The following INTS7 variants were observed in gnomAD, a reference collection of about 807,000 sequenced individuals.
INTS7 encodes the protein integrator complex subunit 7.
INTS7 carries 46 observed loss-of-function variants against 109.2 expected under a neutral mutation model. The ratio of observed to expected loss-of-function variants is 0.42; its 90% CI spans 0.33 to 0.54. INTS7 has a LOEUF of 0.54. Among genes scored for constraint, INTS7 ranks in the 20% least tolerant of loss-of-function variants. INTS7 has a pLI of 0.07. For missense variants in INTS7, 929 were observed against 1,132.4 expected (o/e 0.82, Z 2.58); for synonymous variants, 412 against 402.9 (o/e 1.02, Z -0.27).
intron 16 of INTS7, among the ~76,000 whole-genome samples, chr1:211,961,871 G>A (rs1404708786): frequency 1.3e-5 from 2 of 152,084 alleles, no homozygotes; most frequent in Admixed American, 6.6e-5. Context: ...CCTTATTAGA[G>A]CTCCTGAAGG....
chr1:212,019,425 A>G lies in INTS7; in HGVS notation c.371+697T>C, dbSNP rs188354972. ...AAGGAAGAACTGATTCCTGATATGG[A>G]AAAAACGACACTCAGGGAAGATGTG... On this transcript the variant is annotated intron_variant, in intron 3 of 19. Transcript: ENST00000366994. 8.9e-4 allele frequency among the ~76,000 whole-genome samples: 136 copies of G among 152,324 alleles called. 1 individual carries two copies. Among genetic ancestry groups the G allele is most frequent in the African/African-American group, 2.6e-3 (110 of 41,572 alleles).
intron 7 of INTS7, among the ~76,000 whole-genome samples, chr1:211,990,729 T>C (rs763153615): frequency 6.6e-6 from 1 of 152,152 alleles, no homozygotes; most frequent in Non-Finnish European, 1.5e-5. Context: ...GGCCAGAATA[T>C]GGGGTGTTTA....
chr1:212,010,373 CATGACTT>C (rs1280621420), intron 5 of INTS7, among the ~76,000 whole-genome samples: 1 of 152,130 alleles, frequency 6.6e-6, no homozygotes, highest in African/African-American at 2.4e-5. Flanking sequence ...GGTTAATACA[CATGACTT>C]ATGGTATAAG....
chr1:211,958,199 TGCTGATG>T (rs1663454219), intron 16 of INTS7, among the ~76,000 whole-genome samples: 1 of 152,194 alleles, frequency 6.6e-6, no homozygotes, highest in Admixed American at 6.5e-5. Flanking sequence ...AGTACAGATC[TGCTGATG>T]GCAAAATTTA....
intron 1 of INTS7, among the ~76,000 whole-genome samples, chr1:212,029,781 A>G (rs1410394315): frequency 2.0e-5 from 3 of 152,260 alleles, no homozygotes; most frequent in Non-Finnish European, 4.4e-5. Context: ...TAACACGAAC[A>G]TATCTTAAAA....
At chr1:212,011,190 G>C (rs900568301) in intron 5 of INTS7, among the ~76,000 whole-genome samples, 185 bp downstream of exon 5, 1 of 152,024 alleles carries the variant, frequency 6.6e-6, no homozygotes, top group Non-Finnish European at 1.5e-5. Flanking sequence ...GTTAGATGGG[G>C]GTAAGGACTT....
intron 1 of INTS7, 118 bp downstream of exon 1, chr1:212,035,225 TC>T (rs1477864088): frequency 1.2e-5 from 9 of 720,624 alleles, no homozygotes; most frequent in Non-Finnish European, 2.0e-5. Flanking sequence ...GCACAGGCGC[TC>T]CCCGCCCAGC....
Position 211,959,972 on chromosome 1 carries a change from C to T in INTS7, c.2183+6458G>A, listed in dbSNP as rs2102399724. The stretch of plus-strand genomic sequence containing the variant: ...GTGGACAAGTGTGCATCCCGTTATG[C>T]TGCTGTTGCTGCTGCTGGTATGTGC... On this transcript the variant is annotated intron_variant, in intron 16 of 19. Coordinates refer to ENST00000366994, the MANE Select transcript of INTS7 (RefSeq NM_015434.4). This position sits in a 1 kb window ranked among gnomAD's most constrained non-coding sequence, Gnocchi z 4.2. Among the ~76,000 whole-genome samples, 1 of 152,336 alleles carries T rather than the reference C, an allele frequency of 6.6e-6. No individual in the cohort carries two copies. The highest frequency in any genetic ancestry group is 1.9e-4 in the East Asian group (1 of 5,184).
chr1:211,968,009 C>G (rs772659634), intron 14 of INTS7, 28 bp from the exon 15 acceptor site: 4 of 1,208,694 alleles, frequency 3.3e-6, no homozygotes, highest in Non-Finnish European at 1.2e-6. Flanking sequence ...TTATGACAAA[C>G]AAACATGCTA....
At chr1:211,976,916 AAAG>A (rs1417153941) in intron 11 of INTS7, among the ~76,000 whole-genome samples, 197 bp from the exon 12 acceptor site, 1 of 152,190 alleles carries the variant, frequency 6.6e-6, no homozygotes, top group African/African-American at 2.4e-5. Flanking sequence ...TTATAACAGC[AAAG>A]AAGTAGAAGC....
chr1:211,996,954 G>A (rs923332792), intron 7 of INTS7, among the ~76,000 whole-genome samples: 1 of 152,092 alleles, frequency 6.6e-6, no homozygotes, highest in Admixed American at 6.5e-5. Flanking sequence ...AGCCTGGGGG[G>A]TCAAGACTGC....
chr1:212,025,360 G>T (rs1215767652), intron 1 of INTS7, among the ~76,000 whole-genome samples: 1 of 152,070 alleles, frequency 6.6e-6, no homozygotes, highest in Non-Finnish European at 1.5e-5. Context: ...GGGGCATGAG[G>T]AAAGTTTTTG....
At chr1:211,945,974 T>C (rs982783732) in intron 18 of INTS7, among the ~76,000 whole-genome samples, 3 of 152,224 alleles carry the variant, frequency 2.0e-5, no homozygotes, top group African/African-American at 7.2e-5. Context: ...TGGGTCTGAA[T>C]AGACTCAGCT....
chr1:211,983,540 G>A (rs1169142183), intron 8 of INTS7, among the ~76,000 whole-genome samples: 2 of 152,166 alleles, frequency 1.3e-5, no homozygotes, highest in African/African-American at 4.8e-5. Context: ...GAAGCCCTCA[G>A]TTATAACTGA....
chr1:212,002,305 T>C (rs1379786541), intron 7 of INTS7, among the ~76,000 whole-genome samples: 1 of 152,230 alleles, frequency 6.6e-6, no homozygotes, highest in African/African-American at 2.4e-5. Flanking sequence ...TCTTAAATGT[T>C]CTCCCGGCTT....
chr1:211,986,397 G>A (rs1664895853), intron 8 of INTS7, among the ~76,000 whole-genome samples: 1 of 152,068 alleles, frequency 6.6e-6, no homozygotes, highest in Non-Finnish European at 1.5e-5. Context: ...TCGGTTTGGG[G>A]TGATTTTGTT....
At chr1:211,963,544 C>T (rs2102403899) in intron 16 of INTS7, among the ~76,000 whole-genome samples, 1 of 151,680 alleles carries the variant, frequency 6.6e-6, no homozygotes, top group Middle Eastern at 3.4e-3. Context: ...ACAACAAAAA[C>T]CTCAGGCCAA....
chr1:211,997,968 C>CT (rs200710274), intron 7 of INTS7, among the ~76,000 whole-genome samples: 4,998 of 151,686 alleles, frequency 0.033, 89 homozygotes, highest in South Asian at 0.046. Context: ...TCCCAGCAGC[C>CT]TTTTTTTTCA....
chr1:211,944,515 T>C (rs760874393), intron 19 of INTS7, among the ~76,000 whole-genome samples: 1 of 152,328 alleles, frequency 6.6e-6, no homozygotes, highest in African/African-American at 2.4e-5. Flanking sequence ...CTGCCAGGCA[T>C]TGGAGTTAGG....
Sources: allele counts gnomAD v4.1 joint callset (sites outside exome capture counted in the v4.1 genomes callset), GRCh38; gene constraint gnomAD v4.1.1; non-coding constraint Gnocchi (gnomAD v3.1); transcripts MANE v1.5; gene names NCBI Gene and HGNC (gene_info 2026-07-23, HGNC 2026-07-21).